The following DIAPH3 variants were observed in gnomAD, a reference collection of about 807,000 sequenced individuals.
The protein encoded by DIAPH3 is diaphanous related formin 3.
DIAPH3 carries 117 observed loss-of-function variants against 144.3 expected under a neutral mutation model. That is an observed-to-expected ratio of 0.81 (90% confidence interval 0.70 to 0.95). The LOEUF (loss-of-function observed/expected upper bound fraction) is 0.95, where lower values mean the gene tolerates loss of function less well. DIAPH3 is among the 40% of genes least tolerant of loss of function. The pLI, the probability that DIAPH3 is intolerant of heterozygous loss-of-function variation, is 0.00. For synonymous variants in DIAPH3, 519 were observed against 488.9 expected, an observed-to-expected ratio of 1.06 and a Z score of -0.81; for missense variants, 1,421 against 1,412.7, an observed-to-expected ratio of 1.01 and a Z score of -0.09.
rs770923745 is a variant in DIAPH3 at position 59,839,323 on chromosome 13, T to C, written c.2862+1A>G. 3.1e-6 allele frequency: 5 copies of C among 1,613,266 alleles called. No homozygotes were observed. In the African/African-American group the frequency reaches 5.3e-5, roughly 17 times the overall value. ...AAGTTATTTAGCTATCAAAAGGATA[T>C]GGACATCTTTGTCACAAACTTGTCA... On this transcript the variant is annotated splice_donor_variant, in intron 23 of 27. Coordinates refer to ENST00000400324, the MANE Select transcript of DIAPH3 (RefSeq NM_001042517.2). LOFTEE classifies it high-confidence loss of function.
At chr13:59,811,447 A>T (rs1342535381) in intron 24 of DIAPH3, among the ~76,000 whole-genome samples, 1 of 152,136 alleles carries the variant, frequency 6.6e-6, no homozygotes, top group Admixed American at 6.5e-5. Flanking sequence ...TAACTAAAGA[A>T]ATATTTCTTG....
At chr13:59,880,094 C>A (rs895085739) in intron 20 of DIAPH3, among the ~76,000 whole-genome samples, 1 of 152,126 alleles carries the variant, frequency 6.6e-6, no homozygotes, top group Admixed American at 6.6e-5. Flanking sequence ...GCGGTGCAAA[C>A]CCACAAATCT....
intron 25 of DIAPH3, among the ~76,000 whole-genome samples, chr13:59,790,888 A>G (rs903829324): frequency 1.3e-5 from 2 of 152,198 alleles, no homozygotes; most frequent in Non-Finnish European, 2.9e-5. Context: ...CACAACTATA[A>G]AAAGCTGACA....
At chr13:59,672,901 A>G (rs2032453838) in intron 27 of DIAPH3, among the ~76,000 whole-genome samples, 1 of 152,266 alleles carries the variant, frequency 6.6e-6, no homozygotes, top group Non-Finnish European at 1.5e-5. Context: ...CACAGTATGC[A>G]AAGCAGAATA....
chr13:59,760,422 A>T (rs1052757114), intron 27 of DIAPH3, among the ~76,000 whole-genome samples: 10 of 152,204 alleles, frequency 6.6e-5, no homozygotes, highest in Non-Finnish European at 1.2e-4. Flanking sequence ...ACTGATAATA[A>T]AAGTTTCTTA....
At position 59,925,198 on chromosome 13, in the gene DIAPH3, A is replaced by C. The variant is rs771791178; in HGVS notation, c.2075-328T>G. ...CTCATTTGAATAGCATACAGGATACAGTTATAAAAATTAAAACACCTGCAC... is the reference window on the plus strand; with the variant it reads ...CTCATTTGAATAGCATACAGGATACCGTTATAAAAATTAAAACACCTGCAC... On this transcript the variant is annotated intron_variant, in intron 17 of 27. Coordinates refer to ENST00000400324, the MANE Select transcript of DIAPH3 (RefSeq NM_001042517.2). 4.8e-4 allele frequency among the ~76,000 whole-genome samples: 73 copies of C among 152,186 alleles called. 2 individuals carry two copies. Among genetic ancestry groups the C allele is most frequent in the Non-Finnish European group, 1.3e-4 (9 of 68,006 alleles).
chr13:59,968,974 C>G (rs774076599), intron 17 of DIAPH3, among the ~76,000 whole-genome samples: 18 of 152,164 alleles, frequency 1.2e-4, no homozygotes, highest in Non-Finnish European at 2.2e-4. Flanking sequence ...GTTCTATGAG[C>G]CCAGGGATAT....
At chr13:59,953,635 A>AG (rs2049219021) in intron 17 of DIAPH3, among the ~76,000 whole-genome samples, 2 of 152,226 alleles carry the variant, frequency 1.3e-5, no homozygotes, top group African/African-American at 4.8e-5. Context: ...CCAAATTTAG[A>AG]GAAAAAGGAG....
chr13:60,044,564 A>T (rs2055926343), intron 4 of DIAPH3, among the ~76,000 whole-genome samples: 1 of 152,164 alleles, frequency 6.6e-6, no homozygotes, highest in Non-Finnish European at 1.5e-5. Flanking sequence ...TTTGCTCTGA[A>T]TTACCAAAGG....
chr13:60,054,781 G>T (rs1238123428), intron 4 of DIAPH3, among the ~76,000 whole-genome samples: 2 of 151,850 alleles, frequency 1.3e-5, no homozygotes, highest in Admixed American at 6.6e-5. Context: ...CTATTTCCTT[G>T]CATTTTTCAA....
At position 59,666,537 on chromosome 13, in the gene DIAPH3, A is replaced by T; in HGVS notation, c.*47T>A. The stretch of plus-strand genomic sequence containing the variant: ...TTTTTCAAGTGTTATAGTTTAGAGC[A>T]TGGCTTTATATTTGGCTTAATCATT... On this transcript the variant is annotated 3_prime_UTR_variant, in exon 28 of 28. Coordinates refer to ENST00000400324, the MANE Select transcript of DIAPH3 (RefSeq NM_001042517.2). 1 of 1,610,614 alleles carries T rather than the reference A, an allele frequency of 6.2e-7. No homozygotes were observed. The highest frequency in any genetic ancestry group is 8.5e-7 in the Non-Finnish European group (1 of 1,178,292).
intron 27 of DIAPH3, among the ~76,000 whole-genome samples, chr13:59,692,402 AC>A (rs1285900950): frequency 8.0e-6 from 1 of 124,456 alleles, no homozygotes; most frequent in South Asian, 2.6e-4. Flanking sequence ...CCTGACTGAC[AC>A]CCCCAACCCC....
Position 59,855,901 on chromosome 13 carries a change from G to GAT in DIAPH3, c.2737+5504_2737+5505dup, listed in dbSNP as rs376734398. 3.2e-3 allele frequency among the ~76,000 whole-genome samples: 472 copies of GAT among 149,840 alleles called. 4 individuals carry two copies. The highest frequency in any genetic ancestry group is 0.014 in the Middle Eastern group (4 of 286). Reference sequence around the variant, plus strand: ...GAAAAGAAACATATATATATTTATGGATATATATATATATGGATATAGTGA... The same window carrying GAT: ...GAAAAGAAACATATATATATTTATGGATATATATATATATATGGATATAGTGA... On this transcript the variant is annotated intron_variant, in intron 22 of 27. Transcript: ENST00000400324.
chr13:59,997,148 T>G (rs887386092), intron 9 of DIAPH3, among the ~76,000 whole-genome samples: 10 of 152,016 alleles, frequency 6.6e-5, no homozygotes, highest in Non-Finnish European at 5.9e-5. Context: ...AACATTAAAC[T>G]TATCCCTTCT....
intron 27 of DIAPH3, among the ~76,000 whole-genome samples, chr13:59,753,016 T>C (rs1370332490): frequency 6.6e-6 from 1 of 152,194 alleles, no homozygotes; most frequent in Non-Finnish European, 1.5e-5. Context: ...CTAATGAAAA[T>C]TACAAATATT....
intron 1 of DIAPH3, among the ~76,000 whole-genome samples, chr13:60,155,200 G>A (rs1016125933): frequency 6.6e-6 from 1 of 152,100 alleles, no homozygotes; most frequent in Non-Finnish European, 1.5e-5. Flanking sequence ...GAGATGCAAG[G>A]TTTCACCATG....
At chr13:59,739,396 C>G (rs2036326831) in intron 27 of DIAPH3, among the ~76,000 whole-genome samples, 1 of 152,108 alleles carries the variant, frequency 6.6e-6, no homozygotes, top group Non-Finnish European at 1.5e-5. Context: ...TGCCTTAACT[C>G]CTCTAAGTAT....
intron 27 of DIAPH3, among the ~76,000 whole-genome samples, chr13:59,686,364 C>T (rs1313212491): frequency 1.3e-5 from 2 of 151,924 alleles, no homozygotes; most frequent in East Asian, 1.9e-4. Flanking sequence ...TTTTATCTTA[C>T]ACTGTAAGAA....
intron 19 of DIAPH3, among the ~76,000 whole-genome samples, chr13:59,913,519 C>T (rs1447220905): frequency 6.6e-6 from 1 of 152,158 alleles, no homozygotes; most frequent in Non-Finnish European, 1.5e-5. Context: ...TCCACACATA[C>T]ACTCACAAAG....
Sources: gnomAD v4.1 joint callset for allele counts (sites outside exome capture counted in the v4.1 genomes callset) on GRCh38, gnomAD v4.1.1 for gene constraint, MANE v1.5 for transcripts, NCBI Gene and HGNC (gene_info 2026-07-23, HGNC 2026-07-21) for gene names.